The following TNS1 variants were observed in gnomAD, a reference collection of about 807,000 sequenced individuals.
The protein encoded by TNS1 is tensin 1.
Under a neutral mutation model 168.6 loss-of-function variants are expected in TNS1, and 62 were observed. The ratio of observed to expected loss-of-function variants is 0.37; its 90% CI spans 0.30 to 0.45. TNS1 has a LOEUF of 0.45. TNS1 is among the 20% of genes least tolerant of loss of function. The probability of loss-of-function intolerance (pLI) is 1.00; values close to 1 mark genes in which losing one functional copy is unlikely to be tolerated. For synonymous variants in TNS1, 934 were observed against 933.2 expected (o/e 1.00, Z -0.02); for missense variants, 2,240 against 2,339.4 (o/e 0.96, Z 0.88).
chr2:217,823,008 C>A (rs1943109283), intron 22 of TNS1, among the ~76,000 whole-genome samples: 1 of 152,198 alleles, frequency 6.6e-6, no homozygotes, highest in Non-Finnish European at 1.5e-5. Context: ...AAGGCATCCA[C>A]TGAAATCAGC....
chr2:217,983,507 G>A (rs1958109970), intron 2 of TNS1, among the ~76,000 whole-genome samples: 1 of 152,144 alleles, frequency 6.6e-6, no homozygotes, highest in African/African-American at 2.4e-5. Context: ...ACTCTGCTGG[G>A]GTGAAGAACT....
At chr2:217,934,691 T>C (rs1956509980) in intron 3 of TNS1, among the ~76,000 whole-genome samples, 1 of 152,224 alleles carries the variant, frequency 6.6e-6, no homozygotes. Flanking sequence ...TGTTGCCCTC[T>C]GCTCTGTTCC....
At chr2:217,911,303 T>C (rs1954378064) in intron 4 of TNS1, among the ~76,000 whole-genome samples, 1 of 152,216 alleles carries the variant, frequency 6.6e-6, no homozygotes, top group South Asian at 2.1e-4. Context: ...AGCCCTGCTC[T>C]TAGCGGGCTG....
chr2:217,807,205 C>G (rs1939306960), intron 32 of TNS1, among the ~76,000 whole-genome samples: 1 of 152,162 alleles, frequency 6.6e-6, no homozygotes, highest in Admixed American at 6.5e-5. Context: ...CGACATTTAC[C>G]TATTATAAAG....
chr2:217,852,804 C>A (rs1156928500), intron 18 of TNS1, among the ~76,000 whole-genome samples: 2 of 152,178 alleles, frequency 1.3e-5, no homozygotes, highest in Admixed American at 1.3e-4. Context: ...GTAAGAAAAT[C>A]GAACAGATGC....
At chr2:217,884,413 C>A (rs76490159) in intron 16 of TNS1, among the ~76,000 whole-genome samples, 2,076 of 152,138 alleles carry the variant, frequency 0.014, 31 homozygotes, top group African/African-American at 0.047. Flanking sequence ...ATGTCCCAGG[C>A]ATTAATGTGA....
chr2:217,961,216 GTGTC>G (rs1957487443), intron 3 of TNS1, among the ~76,000 whole-genome samples: 1 of 146,252 alleles, frequency 6.8e-6, no homozygotes, highest in South Asian at 2.2e-4. Flanking sequence ...CCATCTCAGG[GTGTC>G]TCTCTCTCTC....
intron 18 of TNS1, among the ~76,000 whole-genome samples, chr2:217,873,151 G>T (rs1282983244): frequency 1.3e-5 from 2 of 152,132 alleles, no homozygotes; most frequent in Admixed American, 6.5e-5. Flanking sequence ...CCATTGAATT[G>T]TATACTTTAA....
rs533666709 is a variant in TNS1, at chr2:217,866,055, C to A, written c.1429+14843G>T. 8.7e-4 allele frequency among the ~76,000 whole-genome samples: 132 copies of A among 152,230 alleles called. 2 individuals are homozygous for A. Among genetic ancestry groups the A allele is most frequent in the African/African-American group, 2.9e-3 (121 of 41,524 alleles). Reference sequence around the variant, plus strand: ...GGCACCTGTTCCTGTTACTCAGATCCCCCAAAGGCAAGAGGGTTCTCCTGA... The same window carrying A: ...GGCACCTGTTCCTGTTACTCAGATCACCCAAAGGCAAGAGGGTTCTCCTGA... On this transcript the variant is annotated intron_variant, in intron 18 of 32. Transcript: ENST00000682258.
At chr2:217,971,844 T>C (rs1237542627) in intron 3 of TNS1, among the ~76,000 whole-genome samples, 1 of 152,136 alleles carries the variant, frequency 6.6e-6, no homozygotes, top group African/African-American at 2.4e-5. Flanking sequence ...CTGCTAGAGA[T>C]CTCAGGGGCC....
chr2:217,930,938 C>A (rs548854170), intron 3 of TNS1, among the ~76,000 whole-genome samples: 1 of 152,160 alleles, frequency 6.6e-6, no homozygotes, highest in Admixed American at 6.5e-5. Context: ...CCTAGAAGAG[C>A]TGCTCAAGGA....
chr2:217,849,149 A>T, intron 18 of TNS1, 62 bp from the exon 19 acceptor site: 2 of 1,541,274 alleles, frequency 1.3e-6, no homozygotes, highest in Non-Finnish European at 1.8e-6. Flanking sequence ...AGGCAGGGGT[A>T]TCATCCACTC....
At chr2:217,961,933 C>A (rs1339406340) in intron 3 of TNS1, among the ~76,000 whole-genome samples, 1 of 152,194 alleles carries the variant, frequency 6.6e-6, no homozygotes. Context: ...CTTCTCCAAT[C>A]AATTGAAGGC....
At chr2:217,823,869 G>A (rs1943230807) in intron 22 of TNS1, among the ~76,000 whole-genome samples, 1 of 152,182 alleles carries the variant, frequency 6.6e-6, no homozygotes, top group African/African-American at 2.4e-5. Context: ...AGGCCTCCTC[G>A]AAATCCTCCC....
At chr2:217,942,110 G>A (rs1956942453) in intron 3 of TNS1, among the ~76,000 whole-genome samples, 1 of 152,194 alleles carries the variant, frequency 6.6e-6, no homozygotes, top group Non-Finnish European at 1.5e-5. Context: ...TCTTCACTGG[G>A]GCCTTGCGGG....
chr2:217,895,846 C>G (rs1952235819), intron 8 of TNS1, among the ~76,000 whole-genome samples: 1 of 152,174 alleles, frequency 6.6e-6, no homozygotes, highest in Non-Finnish European at 1.5e-5. Context: ...GTGTCATCTC[C>G]TGGGGAGAAA....
intron 3 of TNS1, among the ~76,000 whole-genome samples, chr2:217,939,501 G>C (rs148262944): frequency 2.0e-5 from 3 of 152,342 alleles, no homozygotes; most frequent in Admixed American, 6.5e-5. Flanking sequence ...TGGGAAACTT[G>C]CAAGGATCAC....
chr2:217,809,974 C>A lies in TNS1; in HGVS notation c.5122G>T (p.Val1708Phe). 6.2e-7 allele frequency: 1 copy of A among 1,613,420 alleles called. No homozygotes were observed. Among genetic ancestry groups the A allele is most frequent in the Non-Finnish European group, 8.5e-7 (1 of 1,179,668 alleles). Residue 1708 changes from valine (V) to phenylalanine (F), a missense_variant, in exon 30 of 33, where the codon GTC becomes TTC. Physicochemically the swap from Val to Phe is conservative, Grantham distance 50. This residue lies in a region of TNS1 where 2,131 missense variants were observed against 2,171.2 expected (regional missense o/e 0.98). Coordinates refer to ENST00000682258, the MANE Select transcript of TNS1 (RefSeq NM_001387777.1). ...AGTGACTCCATGTCCACAGAGTTGA[C>A]GAAGAGCACATTGCAGGCTGGAAGA... is the stretch of plus-strand genomic sequence containing the variant. ...KQGAACNVLF[V>F]NSVDMESLTG...
chr2:217,929,090 C>T (rs1956180923), intron 3 of TNS1, among the ~76,000 whole-genome samples: 1 of 151,712 alleles, frequency 6.6e-6, no homozygotes, highest in African/African-American at 2.4e-5. Flanking sequence ...ACAAGGGGAA[C>T]TCGGGGGGAC....
Sources: gnomAD v4.1 joint callset for allele counts (sites outside exome capture counted in the v4.1 genomes callset) on GRCh38, gnomAD v4.1.1 for gene constraint, gnomAD v4.1.1 regional missense constraint, MANE v1.5 for transcripts, NCBI Gene and HGNC (gene_info 2026-07-23, HGNC 2026-07-21) for gene names.